The following ABCG1 variants were observed in gnomAD, a reference collection of about 807,000 sequenced individuals.
The protein encoded by ABCG1 is ATP-binding cassette sub-family G member 1.
ABCG1 carries 29 observed loss-of-function variants against 69.2 expected under a neutral mutation model. The observed-to-expected ratio is 0.42, with a 90% CI of 0.31 to 0.57. The LOEUF (loss-of-function observed/expected upper bound fraction) is 0.57. Ranked by LOEUF, ABCG1 falls within the 20% of genes least tolerant of loss-of-function variation. The probability of loss-of-function intolerance (pLI) is 0.15; values close to 1 mark genes in which losing one functional copy is unlikely to be tolerated. For synonymous variants in ABCG1, 370 were observed against 374.8 expected (o/e 0.99, Z 0.15); for missense variants, 718 against 898.1 (o/e 0.80, Z 2.56).
intron 5 of ABCG1, among the ~76,000 whole-genome samples, chr21:42,278,827 C>T (rs1407966844): frequency 1.3e-5 from 2 of 151,988 alleles, no homozygotes; most frequent in Admixed American, 6.5e-5. Context: ...ATCAACAGAA[C>T]GGGGCCCTGG....
rs188539336 is a variant in ABCG1 at position 42,244,115 on chromosome 21, G to A, written c.286+18201G>A. Among the ~76,000 whole-genome samples, 5 of 152,170 alleles carry A rather than the reference G, an allele frequency of 3.3e-5. No individual in the cohort carries two copies. The East Asian group carries it at 5.8e-4, about 18-fold the overall frequency. On this transcript the variant is annotated intron_variant, in intron 2 of 14. Coordinates refer to ENST00000398449, the MANE Select transcript of ABCG1 (RefSeq NM_016818.3). Reference sequence around the variant, plus strand: ...ATTACAGGCGTGAGCCCCCACGCCCGGCCTATCTTTGGCTTTAAAAAAATG... The same window carrying A: ...ATTACAGGCGTGAGCCCCCACGCCCAGCCTATCTTTGGCTTTAAAAAAATG...
intron 2 of ABCG1, among the ~76,000 whole-genome samples, chr21:42,229,018 C>A (rs564078002): frequency 6.6e-6 from 1 of 152,204 alleles, no homozygotes. Flanking sequence ...TCCGCCTCTG[C>A]GCCTGCTGGT....
rs2069065727 is a variant in ABCG1 at position 42,291,740 on chromosome 21, C to G, written c.1653+84C>G. 1 of 1,419,780 alleles carries G rather than the reference C, an allele frequency of 7.0e-7. No homozygotes were observed. The highest frequency in any genetic ancestry group is 9.3e-7 in the Non-Finnish European group (1 of 1,070,372). 87.9% of individuals were successfully genotyped at this position (1,419,780 alleles called of 1,614,324 possible). A position where few individuals can be genotyped will look rare whatever the true frequency, so the allele number is the denominator to read the frequency against. On this transcript the variant is annotated intron_variant, in intron 13 of 14. Coordinates refer to ENST00000398449, the MANE Select transcript of ABCG1 (RefSeq NM_016818.3). This position sits in a 1 kb window ranked among gnomAD's most constrained non-coding sequence, Gnocchi z 6.4. ...TGGCCTGAGCTAGGGGGCTCTGCCA[C>G]CCCTTCCCCTACTTCTGCCCTGACC...
chr21:42,270,353 C>T (rs1369137797), intron 2 of ABCG1, among the ~76,000 whole-genome samples: 1 of 147,684 alleles, frequency 6.8e-6, no homozygotes, highest in East Asian at 2.0e-4. Flanking sequence ...CACTTTTAAA[C>T]AGTCTATTTG....
intron 6 of ABCG1, among the ~76,000 whole-genome samples, chr21:42,283,322 G>T (rs2068848102): frequency 6.6e-6 from 1 of 152,220 alleles, no homozygotes; most frequent in Admixed American, 6.5e-5. Context: ...CCCTTGAATA[G>T]CATCTTGCAG....
chr21:42,256,861 G>A (rs1386983794), intron 2 of ABCG1, among the ~76,000 whole-genome samples: 3 of 152,226 alleles, frequency 2.0e-5, no homozygotes, highest in Admixed American at 6.5e-5. Flanking sequence ...CTTAATTCAC[G>A]TGGCTATGTC....
chr21:42,235,008 G>C (rs928265835), intron 2 of ABCG1, among the ~76,000 whole-genome samples: 1 of 152,134 alleles, frequency 6.6e-6, no homozygotes, highest in Non-Finnish European at 1.5e-5. Flanking sequence ...CTGCAGCCCC[G>C]AGCGGGGTCG....
intron 2 of ABCG1, among the ~76,000 whole-genome samples, chr21:42,267,537 C>A (rs170439): frequency 2.1e-5 from 3 of 141,624 alleles, no homozygotes; most frequent in African/African-American, 2.6e-5. Context: ...GGTCTGGGTT[C>A]TGTCTGGGTC....
Position 42,287,949 on chromosome 21 carries a change from G to C in ABCG1, c.1034G>C (p.Arg345Pro). The C allele has an allele frequency of 6.2e-7, 1 of 1,613,596 alleles. No individual in the cohort carries two copies. Among genetic ancestry groups the C allele is most frequent in the Admixed American group, 1.7e-5 (1 of 59,954 alleles). Reference protein sequence around the residue: ...DQNSRLVRAVREGMCDSDHKR... With the variant: ...DQNSRLVRAVPEGMCDSDHKR... ...AACAGTCGGCTGGTGAGAGCGGTTC[G>C]GGAGGGCATGTGTGACTCAGACCAC... The change falls in exon 9 of 15, where the codon CGG (arginine) becomes CCG (proline). Residue 345 changes from arginine to proline, a missense_variant. By Grantham distance (103) the Arg-to-Pro change is moderately radical. This residue lies in a region of ABCG1 where 514 missense variants were observed against 574.3 expected (regional missense o/e 0.90). Coordinates refer to ENST00000398449, the MANE Select transcript of ABCG1 (RefSeq NM_016818.3). This position sits in a 1 kb window ranked among gnomAD's most constrained non-coding sequence, Gnocchi z 6.2.
chr21:42,201,205 T>C (rs1248222388), intron 1 of ABCG1, among the ~76,000 whole-genome samples: 2 of 152,314 alleles, frequency 1.3e-5, no homozygotes, highest in East Asian at 1.9e-4. Flanking sequence ...TCTCTGCCAA[T>C]GTTAATCTGT....
chr21:42,284,285 AC>A lies in ABCG1; in HGVS notation c.735-266del, dbSNP rs371145763. Among the ~76,000 whole-genome samples the A allele has an allele frequency of 4.0e-3, 563 of 139,452 alleles. 7 individuals carry two copies. The highest frequency in any genetic ancestry group is 0.014 in the African/African-American group (486 of 35,910). The allele number at this position is 139,452 out of a possible 152,430, so 91.5% of individuals were successfully genotyped here. On this transcript the variant is annotated intron_variant, in intron 6 of 14. Coordinates refer to ENST00000398449, the MANE Select transcript of ABCG1 (RefSeq NM_016818.3). ...TCCCTCCCTGCCCAGATGAGTGGGG[AC>A]CCCCCCCCAGTCCTGGACTCTGGCA...
chr21:42,290,485 A>G (rs2069036121), intron 11 of ABCG1, among the ~76,000 whole-genome samples: 1 of 152,214 alleles, frequency 6.6e-6, no homozygotes, highest in Non-Finnish European at 1.5e-5. Context: ...TTTCTCAAAG[A>G]TTCACTAATT....
At chr21:42,216,246 C>A (rs570353812), upstream of ABCG1, 1 of 397,114 alleles carries the variant, frequency 2.5e-6, no homozygotes, top group East Asian at 8.3e-5. Flanking sequence ...ATGTCTTTAT[C>A]GGCAGCGTGA....
At chr21:42,218,566 G>A (rs909452019), upstream of ABCG1, among the ~76,000 whole-genome samples, 8 of 152,210 alleles carry the variant, frequency 5.3e-5, no homozygotes, top group Non-Finnish European at 2.9e-5. Context: ...CATGGCTGGC[G>A]CACAGCAATG....
At chr21:42,265,527 C>A (rs76279872) in intron 2 of ABCG1, among the ~76,000 whole-genome samples, 1 of 152,120 alleles carries the variant, frequency 6.6e-6, no homozygotes, top group East Asian at 1.9e-4. Flanking sequence ...GAGGCAGCCA[C>A]GAGTCAAGGA....
rs766864363 is a variant in ABCG1, at chr21:42,296,220, A to G, written c.1829A>G (p.His610Arg). ...SIYGLDREDL[H>R]CDIDETCHFQ... The stretch of plus-strand genomic sequence containing the variant: ...TATGGCTTAGACCGGGAAGATCTGC[A>G]CTGTGACATCGACGAGACGTGCCAC... Residue 610 changes from histidine (H) to arginine (R), a missense_variant, in exon 15 of 15, where the codon CAC becomes CGC. Around this residue, in one of 2 missense-constraint regions of ABCG1, gnomAD observed 204 missense variants for 323.8 expected, o/e 0.63. Coordinates refer to ENST00000398449, the MANE Select transcript of ABCG1 (RefSeq NM_016818.3). This position sits in a 1 kb window ranked among gnomAD's most constrained non-coding sequence, Gnocchi z 5.4. The G allele has an allele frequency of 3.0e-5, 48 of 1,614,026 alleles. No homozygotes were observed. The highest frequency in any genetic ancestry group is 4.0e-5 in the Non-Finnish European group (47 of 1,180,042).
intron 2 of ABCG1, among the ~76,000 whole-genome samples, chr21:42,240,953 G>A (rs2068042694): frequency 3.3e-5 from 5 of 152,274 alleles, no homozygotes; most frequent in Admixed American, 2.6e-4. Context: ...GCACCACCCA[G>A]GGGACCGAGG....
chr21:42,243,509 C>A (rs1024782611), intron 2 of ABCG1, among the ~76,000 whole-genome samples: 4 of 149,708 alleles, frequency 2.7e-5, no homozygotes, highest in African/African-American at 9.9e-5. Flanking sequence ...TATAATATCA[C>A]CTGGGCGGGA....
At position 42,276,808 on chromosome 21, in the gene ABCG1, G is replaced by A. The variant is rs1168902699; in HGVS notation, c.538-87G>A. ...GTGGCTAGCTGCATCTTGGCTAGCT[G>A]CACCGTGGCCTGCAGTGCGGGCATG... On this transcript the variant is annotated intron_variant, in intron 4 of 14. Coordinates refer to ENST00000398449, the MANE Select transcript of ABCG1 (RefSeq NM_016818.3). The surrounding 1 kb of genome is among the most constrained non-coding windows in gnomAD (Gnocchi z 5.3). The A allele has an allele frequency of 4.0e-5, 55 of 1,382,656 alleles. No individual in the cohort carries two copies. The East Asian group carries it at 9.2e-4, about 23-fold the overall frequency. 85.6% of individuals were successfully genotyped at this position (1,382,656 alleles called of 1,614,324 possible).
Sources: allele counts gnomAD v4.1 joint callset (sites outside exome capture counted in the v4.1 genomes callset), GRCh38; gene constraint gnomAD v4.1.1; regional missense constraint gnomAD v4.1.1; non-coding constraint Gnocchi (gnomAD v3.1); transcripts MANE v1.5; gene names NCBI Gene and HGNC (gene_info 2026-07-23, HGNC 2026-07-21).